FHIT: variants seen among roughly 807,000 people sequenced by gnomAD.
The protein encoded by FHIT is fragile histidine triad diadenosine triphosphatase, also known as bis(5'-adenosyl)-triphosphatase.
A neutral mutation model predicts 17.9 loss-of-function variants in FHIT; 19 were observed. The ratio of observed to expected loss-of-function variants is 1.06; its 90% CI spans 0.74 to 1.56. The LOEUF (loss-of-function observed/expected upper bound fraction) is 1.56, where lower values mean the gene tolerates loss of function less well. Ranked by LOEUF, FHIT falls within the 40% of genes most tolerant of loss-of-function variation. FHIT has a pLI of 0.00. For synonymous variants in FHIT, 81 were observed against 69.7 expected (o/e 1.16, Z -0.81); for missense variants, 248 against 189.2 (o/e 1.31, Z -1.82).
intron 5 of FHIT, among the ~76,000 whole-genome samples, chr3:60,195,147 C>T (rs1233790649): frequency 6.6e-6 from 1 of 151,578 alleles, no homozygotes; most frequent in Non-Finnish European, 1.5e-5. Flanking sequence ...GCCTGGGGGA[C>T]AAGAATGAGA....
chr3:60,677,053 T>C (rs1227500541), intron 4 of FHIT, among the ~76,000 whole-genome samples: 1 of 152,118 alleles, frequency 6.6e-6, no homozygotes, highest in African/African-American at 2.4e-5. Context: ...TTTTGTATTT[T>C]TTTGGTAGAG....
At chr3:60,179,778 A>C (rs1290317387) in intron 5 of FHIT, among the ~76,000 whole-genome samples, 1 of 152,164 alleles carries the variant, frequency 6.6e-6, no homozygotes, top group African/African-American at 2.4e-5. Flanking sequence ...TAGAACACTA[A>C]GGAAAAGCTA....
intron 3 of FHIT, among the ~76,000 whole-genome samples, chr3:60,908,030 C>A (rs1352746692): frequency 6.6e-6 from 1 of 152,178 alleles, no homozygotes; most frequent in African/African-American, 2.4e-5. Flanking sequence ...CTCTGCCCTT[C>A]AAATAAATAA....
chr3:61,148,405 T>C (rs1451354414), intron 2 of FHIT, among the ~76,000 whole-genome samples: 1 of 152,190 alleles, frequency 6.6e-6, no homozygotes, highest in Non-Finnish European at 1.5e-5. Flanking sequence ...GCTTCTAGTA[T>C]CATTGATTCC....
In FHIT at chr3:60,554,268, G is replaced by A. The variant is rs549107512; in HGVS notation, c.-17-17289C>T. On this transcript the variant is annotated intron_variant, in intron 4 of 9. Transcript: ENST00000492590. ...AAAAAAAAAAAAGAACAAACAAAACGAAACCCAAATCATGTTTTTCATGTG... is the reference window on the plus strand; with the variant it reads ...AAAAAAAAAAAAGAACAAACAAAACAAAACCCAAATCATGTTTTTCATGTG... 1.6e-4 allele frequency among the ~76,000 whole-genome samples: 24 copies of A among 149,624 alleles called. No individual in the cohort carries two copies. The South Asian group carries it at 2.8e-3, about 17-fold the overall frequency.
chr3:60,609,022 G>GA (rs35545161), intron 4 of FHIT, among the ~76,000 whole-genome samples: 3,310 of 141,522 alleles, frequency 0.023, 98 homozygotes, highest in African/African-American at 0.076. Flanking sequence ...GCACAATTTG[G>GA]AAAAAAAAAA....
intron 5 of FHIT, among the ~76,000 whole-genome samples, chr3:60,513,904 C>T (rs568287314): frequency 5.9e-5 from 9 of 152,186 alleles, no homozygotes; most frequent in East Asian, 5.8e-4. Flanking sequence ...AGCAGCAGAG[C>T]GGCAGAGCAG....
intron 5 of FHIT, among the ~76,000 whole-genome samples, chr3:60,390,396 T>TAAAAAAAAAAAAAAAAAAAAAAAAAAAA (rs869078939): frequency 2.8e-4 from 9 of 32,028 alleles, no homozygotes; most frequent in African/African-American, 8.5e-4. Context: ...GTAATGGAGC[T>TAAAAAAAAAAAAAAAAAAAAAAAAAAAA]AAAAAAAAAA....
intron 4 of FHIT, among the ~76,000 whole-genome samples, chr3:60,733,680 T>C (rs782278069): frequency 5.9e-5 from 9 of 152,214 alleles, no homozygotes; most frequent in Non-Finnish European, 7.3e-5. Flanking sequence ...TGTTTTACTC[T>C]TTTAGCCTTT....
chr3:61,126,262 A>T (rs976171083), intron 2 of FHIT, among the ~76,000 whole-genome samples: 7 of 151,180 alleles, frequency 4.6e-5, no homozygotes, highest in Non-Finnish European at 8.9e-5. Context: ...TAAAAAAAAA[A>T]CTTGTCTTCA....
intron 5 of FHIT, among the ~76,000 whole-genome samples, chr3:60,102,625 A>T (rs910186354): frequency 6.6e-6 from 1 of 151,398 alleles, no homozygotes; most frequent in Admixed American, 6.6e-5. Flanking sequence ...ATAAGAATAA[A>T]AAAAAAAAAC....
At chr3:61,114,912 C>T (rs2036256755) in intron 2 of FHIT, among the ~76,000 whole-genome samples, 1 of 152,176 alleles carries the variant, frequency 6.6e-6, no homozygotes, top group Admixed American at 6.6e-5. Context: ...AACTCCTTAG[C>T]TTGCCACTCA....
chr3:60,390,419 A>C (rs58609301), intron 5 of FHIT, among the ~76,000 whole-genome samples: 62,783 of 115,574 alleles, frequency 0.54, 19,036 homozygotes, highest in East Asian at 0.87. Context: ...AAAAAAAAAA[A>C]AAAAAAAAAC....
At chr3:59,956,099 T>A (rs974529342) in intron 7 of FHIT, among the ~76,000 whole-genome samples, 1 of 152,206 alleles carries the variant, frequency 6.6e-6, no homozygotes, top group Non-Finnish European at 1.5e-5. Flanking sequence ...ACTTGCCTAT[T>A]TTTCATACTC....
chr3:61,053,536 T>C (rs1249783494), intron 2 of FHIT, among the ~76,000 whole-genome samples: 1 of 151,970 alleles, frequency 6.6e-6, no homozygotes, highest in African/African-American at 2.4e-5. Context: ...CGCATGGCTG[T>C]AATCCCAGCT....
At position 60,226,202 on chromosome 3, in the gene FHIT, G is replaced by C. The variant is rs187416364; in HGVS notation, c.104-212050C>G. On this transcript the variant is annotated intron_variant, in intron 5 of 9. Coordinates refer to ENST00000492590, the MANE Select transcript of FHIT (RefSeq NM_002012.4). ...TAAAAAGCACTGTTGGCTGGGCGCAGTGGCTCACACCTATAATCCCAGCAC... is the reference window on the plus strand; with the variant it reads ...TAAAAAGCACTGTTGGCTGGGCGCACTGGCTCACACCTATAATCCCAGCAC... Among the ~76,000 whole-genome samples the C allele has an allele frequency of 2.1e-3, 327 of 152,260 alleles. 1 individual carries two copies. Among genetic ancestry groups the C allele is most frequent in the African/African-American group, 7.4e-3 (309 of 41,542 alleles).
intron 3 of FHIT, among the ~76,000 whole-genome samples, chr3:60,842,646 T>TATATATATATATATATATA (rs1491100730): frequency 8.7e-5 from 7 of 80,262 alleles, no homozygotes; most frequent in African/African-American, 3.1e-4. Context: ...TATATATATA[T>TATATATATATATATATATA]TTTTTTTTTT....
At chr3:59,900,063 GCAC>G (rs756999879) in intron 8 of FHIT, among the ~76,000 whole-genome samples, 1 of 152,198 alleles carries the variant, frequency 6.6e-6, no homozygotes, top group Non-Finnish European at 1.5e-5. Flanking sequence ...CCTGTGCTAG[GCAC>G]CATGGAGGCA....
chr3:60,555,327 G>A lies in FHIT; in HGVS notation c.-17-18348C>T, dbSNP rs140255798. On this transcript the variant is annotated intron_variant, in intron 4 of 9. Transcript: ENST00000492590. ...GGCCAGACTTTACTGTAGCTGAGAG[G>A]TTCTTGCTCATGGAGTCTTGAAATA... Among the ~76,000 whole-genome samples the A allele has an allele frequency of 7.4e-3, 1,127 of 152,282 alleles. 11 individuals are homozygous for A. Among genetic ancestry groups the A allele is most frequent in the Non-Finnish European group, 0.011 (740 of 68,024 alleles).
Sources: gnomAD v4.1 joint callset for allele counts (sites outside exome capture counted in the v4.1 genomes callset) on GRCh38, gnomAD v4.1.1 for gene constraint, MANE v1.5 for transcripts, NCBI Gene and HGNC (gene_info 2026-07-23, HGNC 2026-07-21) for gene names.